The following CA10 variants were observed in gnomAD, a reference collection of about 807,000 sequenced individuals.
CA10 encodes the protein carbonic anhydrase-related protein 10.
A neutral mutation model predicts 44.2 loss-of-function variants in CA10; 14 were observed. That is an observed-to-expected ratio of 0.32 (90% confidence interval 0.21 to 0.50). The LOEUF is 0.50. Among genes scored for constraint, CA10 ranks in the 20% least tolerant of loss-of-function variants. The pLI is 0.99. For missense variants in CA10, 350 were observed against 409.7 expected, an observed-to-expected ratio of 0.85 and a Z score of 1.26; for synonymous variants, 159 against 141.6, an observed-to-expected ratio of 1.12 and a Z score of -0.87.
intron 3 of CA10, among the ~76,000 whole-genome samples, chr17:51,901,820 A>G (rs755273950): frequency 3.9e-5 from 6 of 152,182 alleles, no homozygotes; most frequent in South Asian, 2.1e-4. Context: ...ATCATTAGGA[A>G]CAGATTCACC....
chr17:51,964,006 G>A (rs551057659), intron 2 of CA10, among the ~76,000 whole-genome samples: 36 of 152,126 alleles, frequency 2.4e-4, no homozygotes, highest in African/African-American at 7.5e-4. Context: ...TCCATCTGTG[G>A]TCTTCAAGAG....
At chr17:51,890,862 C>A (rs1980825836) in intron 3 of CA10, among the ~76,000 whole-genome samples, 1 of 152,144 alleles carries the variant, frequency 6.6e-6, no homozygotes, top group African/African-American at 2.4e-5. Context: ...CACCAGTCTG[C>A]CTGCCTGTCA....
chr17:51,829,256 CA>C (rs1908141225), intron 3 of CA10, among the ~76,000 whole-genome samples: 1 of 152,188 alleles, frequency 6.6e-6, no homozygotes, highest in African/African-American at 2.4e-5. Context: ...CTAAGCAGCC[CA>C]TTGCAGCTTC....
intron 1 of CA10, among the ~76,000 whole-genome samples, chr17:52,117,294 T>A (rs1228723167): frequency 6.6e-6 from 1 of 152,190 alleles, no homozygotes; most frequent in East Asian, 1.9e-4. Context: ...GGGAGAAACC[T>A]CTGTTTTCCT....
At chr17:52,107,514 T>G (rs1298054347) in intron 1 of CA10, among the ~76,000 whole-genome samples, 1 of 152,162 alleles carries the variant, frequency 6.6e-6, no homozygotes. Context: ...TGTCTCCACA[T>G]GAACAGTTTG....
chr17:51,721,853 C>G (rs576614482), intron 4 of CA10, among the ~76,000 whole-genome samples: 1 of 152,290 alleles, frequency 6.6e-6, no homozygotes. Flanking sequence ...CCTGCTGCAA[C>G]CTTACACTGT....
At chr17:51,968,371 A>T (rs1345230705) in intron 2 of CA10, among the ~76,000 whole-genome samples, 1 of 151,978 alleles carries the variant, frequency 6.6e-6, no homozygotes, top group Non-Finnish European at 1.5e-5. Flanking sequence ...TCCATGTTAT[A>T]GATGAAATAC....
At chr17:52,103,447 T>C (rs1255158580) in intron 1 of CA10, among the ~76,000 whole-genome samples, 1 of 152,184 alleles carries the variant, frequency 6.6e-6, no homozygotes, top group Non-Finnish European at 1.5e-5. Context: ...GTCACCTGAA[T>C]CTCATTCTTG....
At chr17:51,670,303 AACAGGT>A (rs1340317879) in intron 4 of CA10, among the ~76,000 whole-genome samples, 4 of 152,180 alleles carry the variant, frequency 2.6e-5, no homozygotes, top group African/African-American at 9.7e-5. Context: ...CAGTTCTTAC[AACAGGT>A]GTACAGGCAG....
At position 51,791,436 on chromosome 17, in the gene CA10, G is replaced by A. The variant is rs551180527; in HGVS notation, c.280-43618C>T. 2.0e-5 allele frequency among the ~76,000 whole-genome samples: 3 copies of A among 152,212 alleles called. No individual in the cohort carries two copies. The South Asian group carries it at 6.2e-4, about 32-fold the overall frequency. ...AATGCAGAGTGCCTGGTGCACAGTG[G>A]GTGTTCAACTAATGTTTGTTAAATA... On this transcript the variant is annotated intron_variant, in intron 3 of 8. Coordinates refer to ENST00000451037, the MANE Select transcript of CA10 (RefSeq NM_020178.5).
At chr17:51,982,642 C>T (rs1984690350) in intron 2 of CA10, among the ~76,000 whole-genome samples, 1 of 151,886 alleles carries the variant, frequency 6.6e-6, no homozygotes, top group African/African-American at 2.4e-5. Flanking sequence ...GGAATGTTTT[C>T]TCTCTCTTTT....
intron 4 of CA10, among the ~76,000 whole-genome samples, chr17:51,732,896 G>A (rs1040272968): frequency 3.9e-5 from 6 of 152,256 alleles, no homozygotes; most frequent in South Asian, 2.1e-4. Flanking sequence ...GAATAAGGCC[G>A]TCATGCAGAG....
intron 1 of CA10, among the ~76,000 whole-genome samples, chr17:52,078,879 T>G (rs1987888202): frequency 6.6e-6 from 1 of 152,248 alleles, no homozygotes; most frequent in Non-Finnish European, 1.5e-5. Context: ...CTCTGTATTA[T>G]GTGTGGTCCT....
chr17:51,835,441 T>G (rs916844785), intron 3 of CA10, among the ~76,000 whole-genome samples: 1 of 152,246 alleles, frequency 6.6e-6, no homozygotes, highest in Non-Finnish European at 1.5e-5. Context: ...GCTGTACTTC[T>G]TAAACATCCC....
intron 3 of CA10, among the ~76,000 whole-genome samples, chr17:51,772,202 A>T (rs1905637790): frequency 6.6e-6 from 1 of 152,208 alleles, no homozygotes; most frequent in African/African-American, 2.4e-5. Context: ...ACATGTAAAG[A>T]TAGTTGAAAG....
At chr17:52,036,127 C>A (rs138748728) in intron 2 of CA10, among the ~76,000 whole-genome samples, 41 of 152,260 alleles carry the variant, frequency 2.7e-4, no homozygotes, top group African/African-American at 8.9e-4. Flanking sequence ...GCTGCTGGGC[C>A]AGGGGCCACA....
At chr17:52,088,214 C>CTA (rs1988169092) in intron 1 of CA10, among the ~76,000 whole-genome samples, 1 of 151,904 alleles carries the variant, frequency 6.6e-6, no homozygotes, top group Non-Finnish European at 1.5e-5. Context: ...TGCACATGTA[C>CTA]CCTTGAACTT....
chr17:51,750,326 A>G (rs919353420), intron 3 of CA10, among the ~76,000 whole-genome samples: 49 of 151,734 alleles, frequency 3.2e-4, no homozygotes, highest in African/African-American at 1.1e-3. Flanking sequence ...TTATAAATAT[A>G]TAATATAGAC....
chr17:52,114,166 A>G (rs1420056169), intron 1 of CA10, among the ~76,000 whole-genome samples: 2 of 152,222 alleles, frequency 1.3e-5, no homozygotes, highest in East Asian at 3.9e-4. Flanking sequence ...ATATTCACCA[A>G]TTCACTGCAT....
Sources: gnomAD v4.1 joint callset for allele counts (sites outside exome capture counted in the v4.1 genomes callset) on GRCh38, gnomAD v4.1.1 for gene constraint, MANE v1.5 for transcripts, NCBI Gene and HGNC (gene_info 2026-07-23, HGNC 2026-07-21) for gene names.